AOPEP: variants seen among roughly 807,000 people sequenced by gnomAD.
The protein encoded by AOPEP is aminopeptidase O.
Under a neutral mutation model 98.1 loss-of-function variants are expected in AOPEP, and 77 were observed. That is an observed-to-expected ratio of 0.78 (90% confidence interval 0.65 to 0.95). The LOEUF (loss-of-function observed/expected upper bound fraction) is 0.95. AOPEP is among the 40% of genes least tolerant of loss of function. AOPEP has a pLI of 0.00. For synonymous variants in AOPEP, 346 were observed against 365.3 expected (o/e 0.95, Z 0.60); for missense variants, 1,024 against 1,024.7 (o/e 1.00, Z 0.01).
chr9:95,066,057 C>T (rs1238530702), intron 14 of AOPEP, among the ~76,000 whole-genome samples: 1 of 152,186 alleles, frequency 6.6e-6, no homozygotes, highest in Non-Finnish European at 1.5e-5. Context: ...TCTTTAGTTA[C>T]TTTAGACATA....
chr9:94,996,350 C>CTGTGTGTGTGTGTG (rs10608161), intron 11 of AOPEP, among the ~76,000 whole-genome samples: 8 of 141,874 alleles, frequency 5.6e-5, no homozygotes, highest in East Asian at 4.2e-4. Context: ...TTACTTGCCT[C>CTGTGTGTGTGTGTG]TGTGTGTGTG....
intron 11 of AOPEP, among the ~76,000 whole-genome samples, chr9:94,986,226 G>A (rs1356854899): frequency 1.3e-5 from 2 of 152,108 alleles, no homozygotes; most frequent in Admixed American, 6.5e-5. Context: ...CTCTGTATGC[G>A]TGCACATGTC....
intron 5 of AOPEP, among the ~76,000 whole-genome samples, chr9:94,813,051 A>T (rs1850961198): frequency 6.6e-6 from 1 of 152,124 alleles, no homozygotes; most frequent in Non-Finnish European, 1.5e-5. Context: ...GGGCTGTACA[A>T]AGTGGTTTAT....
At chr9:95,146,361 A>G in the AOPEP span, among the ~76,000 whole-genome samples, 1 of 151,670 alleles carries the variant, frequency 6.6e-6, no homozygotes, top group Admixed American at 6.6e-5. Context: ...GGTAGCACAC[A>G]CCTGTGGTCC....
At chr9:94,907,132 G>A (rs1210001696) in intron 5 of AOPEP, among the ~76,000 whole-genome samples, 2 of 152,180 alleles carry the variant, frequency 1.3e-5, no homozygotes, top group Non-Finnish European at 2.9e-5. Flanking sequence ...AGAGAGGAAA[G>A]ATGGATATGA....
In AOPEP at chr9:94,810,271, C is replaced by T. The variant is rs529208050; in HGVS notation, c.1364+9269C>T. Among the ~76,000 whole-genome samples the T allele has an allele frequency of 1.2e-4, 18 of 151,672 alleles. No individual in the cohort carries two copies. In the South Asian group the frequency reaches 1.2e-3, roughly 11 times the overall value. ...AGTAAGGGGGTGATTTAGAATAACC[C>T]GCAGAATGTCTTAGGGCCCCTACAT... On this transcript the variant is annotated intron_variant, in intron 5 of 16. Coordinates refer to ENST00000375315, the MANE Select transcript of AOPEP (RefSeq NM_001193329.3).
chr9:94,936,734 G>A (rs926077658), intron 7 of AOPEP, among the ~76,000 whole-genome samples: 3 of 152,112 alleles, frequency 2.0e-5, no homozygotes, highest in African/African-American at 7.2e-5. Flanking sequence ...TTCCACCTCC[G>A]ACACCAGTCA....
chr9:94,880,891 C>T (rs72748533), intron 5 of AOPEP, among the ~76,000 whole-genome samples: 3,261 of 152,170 alleles, frequency 0.021, 88 homozygotes, highest in African/African-American at 0.057. Context: ...ATAGGACCCA[C>T]GAACAAAAAG....
chr9:94,769,628 T>C (rs758228395), intron 2 of AOPEP, among the ~76,000 whole-genome samples: 10 of 152,312 alleles, frequency 6.6e-5, no homozygotes, highest in African/African-American at 1.9e-4. Context: ...TTCAGAGTTA[T>C]AGCTCTGGAT....
At chr9:94,844,582 C>A (rs1287314350) in intron 5 of AOPEP, among the ~76,000 whole-genome samples, 1 of 152,136 alleles carries the variant, frequency 6.6e-6, no homozygotes, top group Non-Finnish European at 1.5e-5. Flanking sequence ...ATAGTGGAAC[C>A]CAGAACTTAC....
chr9:95,000,872 C>T (rs1039440952), intron 11 of AOPEP, among the ~76,000 whole-genome samples: 6 of 152,128 alleles, frequency 3.9e-5, no homozygotes, highest in Non-Finnish European at 7.3e-5. Flanking sequence ...GGCAATAGAA[C>T]GCTTCTGAAA....
chr9:94,976,958 T>G (rs2059887229), intron 10 of AOPEP, among the ~76,000 whole-genome samples: 1 of 152,184 alleles, frequency 6.6e-6, no homozygotes, highest in South Asian at 2.1e-4. Flanking sequence ...TGAGCCACTG[T>G]GCCTGGCCCA....
the AOPEP span, chr9:95,099,122 A>C: frequency 2.9e-5 from 6 of 208,736 alleles, no homozygotes. Flanking sequence ...TAAAGAGCTA[A>C]AAAATTCCAC....
intron 3 of AOPEP, among the ~76,000 whole-genome samples, chr9:94,774,129 G>C (rs1157227273): frequency 4.0e-5 from 6 of 151,636 alleles, no homozygotes; most frequent in Admixed American, 3.9e-4. Context: ...TGGCTAACAC[G>C]GTGAAATCTC....
intron 3 of AOPEP, among the ~76,000 whole-genome samples, chr9:94,779,180 C>T (rs1426600876): frequency 6.6e-6 from 1 of 152,224 alleles, no homozygotes; most frequent in East Asian, 1.9e-4. Flanking sequence ...CTGCTAGACT[C>T]ACATAGGCTT....
At chr9:94,729,981 T>C (rs1399357068) in intron 1 of AOPEP, among the ~76,000 whole-genome samples, 1 of 152,210 alleles carries the variant, frequency 6.6e-6, no homozygotes, top group African/African-American at 2.4e-5. Flanking sequence ...GGTGGAACTC[T>C]TCCACATAAT....
intron 5 of AOPEP, among the ~76,000 whole-genome samples, chr9:94,916,711 T>TAAAAAAA (rs1258413400): frequency 7.3e-6 from 1 of 137,052 alleles, no homozygotes; most frequent in African/African-American, 2.8e-5. Flanking sequence ...AAAAAAAAAT[T>TAAAAAAA]AAATAAATAA....
chr9:95,112,913 A>G, the AOPEP span, among the ~76,000 whole-genome samples: 1 of 152,192 alleles, frequency 6.6e-6, no homozygotes, highest in Non-Finnish European at 1.5e-5. Context: ...GTCTTCACGC[A>G]TTTGACATCA....
At chr9:95,009,758 A>G (rs2062352916) in intron 13 of AOPEP, among the ~76,000 whole-genome samples, 1 of 152,184 alleles carries the variant, frequency 6.6e-6, no homozygotes, top group Admixed American at 6.5e-5. Flanking sequence ...CCCAAAAAAC[A>G]ATACTCTTGA....
Sources: allele counts gnomAD v4.1 joint callset (sites outside exome capture counted in the v4.1 genomes callset), GRCh38; gene constraint gnomAD v4.1.1; transcripts MANE v1.5; gene names NCBI Gene and HGNC (gene_info 2026-07-23, HGNC 2026-07-21).